The following HIBCH variants were observed in gnomAD, a reference collection of about 807,000 sequenced individuals.
The protein encoded by HIBCH is 3-hydroxyisobutyryl-CoA hydrolase, mitochondrial.
In HIBCH, 50 loss-of-function variants were observed where a neutral mutation model predicts 58.2. The ratio of observed to expected loss-of-function variants is 0.86; its 90% CI spans 0.68 to 1.09. The LOEUF (loss-of-function observed/expected upper bound fraction) is 1.09, where lower values mean the gene tolerates loss of function less well. Ranked by LOEUF, HIBCH falls within the 50% of genes least tolerant of loss-of-function variation. HIBCH has a pLI of 0.00. For missense variants in HIBCH, 450 were observed against 449.7 expected (o/e 1.00, Z -0.01); for synonymous variants, 151 against 146.9 (o/e 1.03, Z -0.20).
At position 190,215,955 on chromosome 2, in the gene HIBCH, G is replaced by A. The variant is rs1253982341; in HGVS notation, c.892-2880C>T. 1.3e-5 allele frequency: 2 copies of A among 152,398 alleles called. No homozygotes were observed. Among genetic ancestry groups the A allele is most frequent in the African/African-American group, 4.8e-5 (2 of 41,420 alleles). 9.4% of individuals were successfully genotyped at this position (152,398 alleles called of 1,614,324 possible). The stretch of plus-strand genomic sequence containing the variant: ...ACAGTTAAGGCTCAGCTCATGCCCA[G>A]AGAGAGAAAGAGGAAGAAACTGAGT... On this transcript the variant is annotated intron_variant, in intron 11 of 13. Transcript: ENST00000359678. The surrounding 1 kb of genome is among the most constrained non-coding windows in gnomAD (Gnocchi z 4.4).
intron 11 of HIBCH, among the ~76,000 whole-genome samples, chr2:190,237,565 C>T (rs1284472223): frequency 1.3e-5 from 2 of 151,992 alleles, no homozygotes; most frequent in East Asian, 3.8e-4. Flanking sequence ...GGATAAATCT[C>T]GCAGAGTGGG....
intron 11 of HIBCH, among the ~76,000 whole-genome samples, chr2:190,242,185 G>A (rs924087646): frequency 6.6e-6 from 1 of 151,520 alleles, no homozygotes; most frequent in Non-Finnish European, 1.5e-5. Flanking sequence ...CTCTAATCTT[G>A]TCTTCACATT....
chr2:190,248,977 A>G (rs1247082042), intron 9 of HIBCH, among the ~76,000 whole-genome samples: 1 of 152,136 alleles, frequency 6.6e-6, no homozygotes, highest in East Asian at 1.9e-4. Context: ...TACAGCAACA[A>G]TCAGCTGACT....
intron 6 of HIBCH, among the ~76,000 whole-genome samples, chr2:190,267,561 GTTTGTTCCTATGGTTTCTCCATTTT>G (rs1687276894): frequency 6.6e-6 from 1 of 151,970 alleles, no homozygotes; most frequent in Non-Finnish European, 1.5e-5. Flanking sequence ...ATAGGCAAAG[GTTTGTTCCTATGGTTTCTCCATTTT>G]AGTGCTAGTG....
At chr2:190,250,231 T>C (rs1686723947) in intron 8 of HIBCH, 3 of 355,200 alleles carry the variant, frequency 8.4e-6, no homozygotes, top group Non-Finnish European at 1.7e-5. Context: ...TTCCTTTACC[T>C]GACAATACCT....
chr2:190,274,334 A>C (rs1419944974), intron 6 of HIBCH, among the ~76,000 whole-genome samples: 1 of 152,238 alleles, frequency 6.6e-6, no homozygotes, highest in Non-Finnish European at 1.5e-5. Flanking sequence ...AAATAAGAAC[A>C]TGTCTTCAAT....
chr2:190,257,460 G>A (rs1348198822), intron 7 of HIBCH, among the ~76,000 whole-genome samples: 2 of 151,698 alleles, frequency 1.3e-5, no homozygotes, highest in African/African-American at 4.8e-5. Flanking sequence ...ACAAAAATCT[G>A]TTTAAGATCA....
At chr2:190,238,816 TG>T (rs1348750236) in intron 11 of HIBCH, among the ~76,000 whole-genome samples, 1 of 152,176 alleles carries the variant, frequency 6.6e-6, no homozygotes, top group Non-Finnish European at 1.5e-5. Context: ...CACTTTTTGA[TG>T]GGGTTGTTTT....
At chr2:190,250,781 A>C (rs1005766619) in intron 8 of HIBCH, among the ~76,000 whole-genome samples, 2 of 150,250 alleles carry the variant, frequency 1.3e-5, no homozygotes, top group Non-Finnish European at 2.9e-5. Flanking sequence ...CATACATTTT[A>C]CAGAATCTGT....
At chr2:190,251,644 G>C (rs1686775060) in intron 8 of HIBCH, 1 of 311,458 alleles carries the variant, frequency 3.2e-6, no homozygotes, top group African/African-American at 2.3e-5. Context: ...TTTCCACTAT[G>C]TTATCCTGTG....
At chr2:190,223,138 G>A (rs1457363829) in intron 11 of HIBCH, among the ~76,000 whole-genome samples, 1 of 152,198 alleles carries the variant, frequency 6.6e-6, no homozygotes, top group Non-Finnish European at 1.5e-5. Context: ...GGGGTTAGGG[G>A]AGGGATAACA....
rs1008638920 is a variant in HIBCH at position 190,210,305 on chromosome 2, G to A, written c.1012-1392C>T. On this transcript the variant is annotated intron_variant, in intron 12 of 13. Coordinates refer to ENST00000359678, the MANE Select transcript of HIBCH (RefSeq NM_014362.4). This position sits in a 1 kb window ranked among gnomAD's most constrained non-coding sequence, Gnocchi z 5.5. ...CTAACCTCGTCTACACTTTGACAGCGTTCAACACTGTCCATTACACCCTCC... is the reference window on the plus strand; with the variant it reads ...CTAACCTCGTCTACACTTTGACAGCATTCAACACTGTCCATTACACCCTCC... 2.0e-5 allele frequency among the ~76,000 whole-genome samples: 3 copies of A among 152,212 alleles called. No individual in the cohort carries two copies. The highest frequency in any genetic ancestry group is 7.2e-5 in the African/African-American group (3 of 41,532).
At chr2:190,259,843 T>C (rs1355291630) in intron 7 of HIBCH, among the ~76,000 whole-genome samples, 1 of 152,204 alleles carries the variant, frequency 6.6e-6, no homozygotes, top group Non-Finnish European at 1.5e-5. Flanking sequence ...TATTTCTTTC[T>C]CTTGCCTAAT....
chr2:190,232,889 C>T (rs1331784753), intron 11 of HIBCH, among the ~76,000 whole-genome samples: 5 of 151,972 alleles, frequency 3.3e-5, no homozygotes, highest in Middle Eastern at 6.8e-3. Context: ...ACCCGGGAGG[C>T]GGAGCTTGCA....
downstream of HIBCH, chr2:190,200,245 G>C: frequency 1.0e-6 from 1 of 980,148 alleles, no homozygotes; most frequent in Non-Finnish European, 1.6e-6. Context: ...TAACTATCTG[G>C]ATTTAAAAAT....
At chr2:190,212,610 T>A (rs1289782939) in intron 12 of HIBCH, among the ~76,000 whole-genome samples, 2 of 152,198 alleles carry the variant, frequency 1.3e-5, no homozygotes, top group African/African-American at 4.8e-5. Flanking sequence ...TCCTCTTCAT[T>A]TTACCAATGA....
intron 11 of HIBCH, among the ~76,000 whole-genome samples, chr2:190,230,060 C>T (rs1686047925): frequency 6.6e-6 from 1 of 152,112 alleles, no homozygotes; most frequent in Non-Finnish European, 1.5e-5. Context: ...TTAATAGTTG[C>T]CTCTGTTGTA....
At chr2:190,268,943 C>A (rs1432192450) in intron 6 of HIBCH, among the ~76,000 whole-genome samples, 2 of 152,162 alleles carry the variant, frequency 1.3e-5, no homozygotes, top group East Asian at 1.9e-4. Context: ...CTAAAACCAT[C>A]TAATTTTTGA....
chr2:190,232,003 CT>C (rs1432039574), intron 11 of HIBCH, among the ~76,000 whole-genome samples: 1 of 152,104 alleles, frequency 6.6e-6, no homozygotes, highest in East Asian at 1.9e-4. Context: ...CAAGACCAGC[CT>C]GACCAACATG....
Sources: gnomAD v4.1 joint callset for allele counts (sites outside exome capture counted in the v4.1 genomes callset) on GRCh38, gnomAD v4.1.1 for gene constraint, Gnocchi (gnomAD v3.1) non-coding constraint, MANE v1.5 for transcripts, NCBI Gene and HGNC (gene_info 2026-07-23, HGNC 2026-07-21) for gene names.